Variants in OCM2 observed in about 807,000 individuals in gnomAD.
The protein encoded by OCM2 is oncomodulin-2.
A neutral mutation model predicts 13.6 loss-of-function variants in OCM2; 6 were observed. The ratio of observed to expected loss-of-function variants is 0.44; its 90% CI spans 0.24 to 0.87. The LOEUF is 0.87. Among genes scored for constraint, OCM2 ranks in the 40% least tolerant of loss-of-function variants. The pLI, the probability that OCM2 is intolerant of heterozygous loss-of-function variation, is 0.22. For synonymous variants in OCM2, 40 were observed against 50.7 expected (o/e 0.79, Z 0.90); for missense variants, 118 against 136.8 (o/e 0.86, Z 0.68).
chr7:97,989,076 A>G (rs10277460), intron 1 of OCM2, among the ~76,000 whole-genome samples: 15,320 of 151,326 alleles, frequency 0.1, 863 homozygotes, highest in African/African-American at 0.16. Context: ...GATTACAGGC[A>G]TGCACCCCCA....
In OCM2 at chr7:97,986,987, A is replaced by G. The variant is rs117184836; in HGVS notation, c.304+60T>C. ...CACATTGGTTTGATCTCACAGCCCA[A>G]CCCCTCACGGATGCTTCCTGAGCTA... On this transcript the variant is annotated intron_variant, in intron 3 of 3. Coordinates refer to ENST00000257627, the Ensembl canonical transcript of OCM2. 5.4e-4 allele frequency: 868 copies of G among 1,608,210 alleles called. 13 individuals carry two copies. In the East Asian group the frequency reaches 0.019, roughly 35 times the overall value.
rs760472005 is a variant in OCM2 at position 97,988,488 on chromosome 7, G to C, written c.122C>G (p.Ala41Gly). 8.1e-6 allele frequency: 13 copies of C among 1,614,050 alleles called. No individual in the cohort carries two copies. The East Asian group carries it at 2.5e-4, about 30-fold the overall frequency. ...CCGGAAAACATCCTTCACCTGACTG[G>C]CTGACATCTTGGAGAGGCCTGACGT... Residue 41 changes from alanine to glycine, a missense_variant, in exon 2 of 4, where the codon GCC becomes GGC. By Grantham distance (60) the Ala-to-Gly change is moderately conservative. Transcript: ENST00000257627.
intron 2 of OCM2, among the ~76,000 whole-genome samples, 180 bp from the exon 3 acceptor site, chr7:97,987,336 G>C (rs1169570933): frequency 6.6e-6 from 1 of 152,034 alleles, no homozygotes; most frequent in Non-Finnish European, 1.5e-5. Flanking sequence ...TCATTTTTAA[G>C]GTTTTGTTTG....
At chr7:97,990,090 G>A (rs762988500) in exon 1 of OCM2, 84 of 1,545,280 alleles carry the variant, frequency 5.4e-5, no homozygotes, top group Middle Eastern at 3.5e-4. Flanking sequence ...CACTGAGCAC[G>A]TCCGTGATGC....
intron 1 of OCM2, 29 bp downstream of exon 1, chr7:97,990,015 A>AGGGCCCCCCCCCCCCC: frequency 1.3e-6 from 1 of 780,806 alleles, no homozygotes; most frequent in Non-Finnish European, 2.2e-6. Flanking sequence ...CTGTGAGGAA[A>AGGGCCCCCCCCCCCCC]TCCCACCCCC....
At chr7:97,985,809 A>T (rs966574524) in intron 3 of OCM2, among the ~76,000 whole-genome samples, 3 of 152,380 alleles carry the variant, frequency 2.0e-5, no homozygotes, top group Non-Finnish European at 4.4e-5. Flanking sequence ...TAATAGTAAT[A>T]ATAACAAGGT....
At chr7:97,985,772 C>T (rs1253865145) in intron 3 of OCM2, among the ~76,000 whole-genome samples, 1 of 152,064 alleles carries the variant, frequency 6.6e-6, no homozygotes, top group African/African-American at 2.4e-5. Flanking sequence ...AACCAAACTC[C>T]AAAAGTTTCT....
At chr7:97,989,860 A>G (rs1584172326) in intron 1 of OCM2, among the ~76,000 whole-genome samples, 184 bp downstream of exon 1, 1 of 151,932 alleles carries the variant, frequency 6.6e-6, no homozygotes, top group East Asian at 2.0e-4. Flanking sequence ...GGGTTTCACC[A>G]TCTTGGCCAG....
chr7:97,988,313 A>G (rs1794692338), intron 2 of OCM2, 103 bp downstream of exon 2: 1 of 1,440,224 alleles, frequency 6.9e-7, no homozygotes, highest in African/African-American at 1.4e-5. Flanking sequence ...AATGACCAAC[A>G]CCAAGGCTGG....
At chr7:97,987,910 G>A (rs933710905) in intron 2 of OCM2, among the ~76,000 whole-genome samples, 7 of 152,038 alleles carry the variant, frequency 4.6e-5, no homozygotes, top group African/African-American at 1.2e-4. Context: ...GAATCTTTGC[G>A]GCTGGGCACG....
intron 3 of OCM2, among the ~76,000 whole-genome samples, chr7:97,986,056 GTGCC>G (rs1794668328): frequency 6.6e-6 from 1 of 152,040 alleles, no homozygotes; most frequent in Non-Finnish European, 1.5e-5. Flanking sequence ...GGGATTACAG[GTGCC>G]CACCACCATG....
At chr7:97,990,016 T>TGCCACCCC in intron 1 of OCM2, 28 bp downstream of exon 1, 98 of 1,083,812 alleles carry the variant, frequency 9.0e-5, no homozygotes, top group Non-Finnish European at 1.2e-4. Flanking sequence ...TGTGAGGAAA[T>TGCCACCCC]CCCACCCCCG....
chr7:97,988,188 C>CAAA (rs66591146), intron 2 of OCM2, among the ~76,000 whole-genome samples: 13,977 of 147,004 alleles, frequency 0.095, 695 homozygotes, highest in African/African-American at 0.14. Context: ...GGCCCTGTCT[C>CAAA]AAAAAAAAAA....
rs1470132208 is a variant in OCM2, at chr7:97,987,175, C to A, written c.195-19G>T. Reference sequence around the variant, plus strand: ...GAAAAACCTACAGGATAATAAAGATCCATGGGGATTTTCAAAAAGGTCGTG... The same window carrying A: ...GAAAAACCTACAGGATAATAAAGATACATGGGGATTTTCAAAAAGGTCGTG... On this transcript the variant is annotated intron_variant, in intron 2 of 3. Transcript: ENST00000257627. 4 of 1,612,680 alleles carry A rather than the reference C, an allele frequency of 2.5e-6. No individual in the cohort carries two copies. The highest frequency in any genetic ancestry group is 1.7e-5 in the Admixed American group (1 of 59,886).
chr7:97,990,016 T>TGGCA, intron 1 of OCM2, 28 bp downstream of exon 1: 30 of 1,083,824 alleles, frequency 2.8e-5, no homozygotes, highest in Non-Finnish European at 3.8e-5. Context: ...TGTGAGGAAA[T>TGGCA]CCCACCCCCG....
chr7:97,988,495 T>C, exon 2 of OCM2: 1 of 1,614,184 alleles, frequency 6.2e-7, no homozygotes, highest in East Asian at 2.2e-5. Flanking sequence ...CTGGCTGACA[T>C]CTTGGAGAGG....
At chr7:97,985,563 T>G (rs1794662935) in intron 3 of OCM2, among the ~76,000 whole-genome samples, 1 of 152,202 alleles carries the variant, frequency 6.6e-6, no homozygotes, top group Non-Finnish European at 1.5e-5. Context: ...TAGAGGTCTT[T>G]GAATTAGAAC....
At chr7:97,989,402 T>TTTATTTAC (rs1794708197) in intron 1 of OCM2, among the ~76,000 whole-genome samples, 1 of 150,718 alleles carries the variant, frequency 6.6e-6, no homozygotes, top group African/African-American at 2.4e-5. Context: ...TATTTATTTA[T>TTTATTTAC]TTATTTATTT....
chr7:97,990,016 T>TGCCCCCC, intron 1 of OCM2, 28 bp downstream of exon 1: 27 of 1,083,824 alleles, frequency 2.5e-5, no homozygotes, highest in Non-Finnish European at 3.8e-5. Flanking sequence ...TGTGAGGAAA[T>TGCCCCCC]CCCACCCCCG....
Sources: gnomAD v4.1 joint callset for allele counts (sites outside exome capture counted in the v4.1 genomes callset) on GRCh38, gnomAD v4.1.1 for gene constraint, MANE v1.5 for transcripts, NCBI Gene and HGNC (gene_info 2026-07-23, HGNC 2026-07-21) for gene names.